Variants in KIF13A observed in about 807,000 individuals in gnomAD.
KIF13A encodes the protein kinesin family member 13A, also known as kinesin-like protein KIF13A.
A neutral mutation model predicts 212.2 loss-of-function variants in KIF13A; 79 were observed. The ratio of observed to expected loss-of-function variants is 0.37; its 90% CI spans 0.31 to 0.45. KIF13A has a LOEUF of 0.45. KIF13A is among the 20% of genes least tolerant of loss of function. KIF13A has a pLI of 1.00. For synonymous variants in KIF13A, 789 were observed against 808.6 expected, an observed-to-expected ratio of 0.98 and a Z score of 0.41; for missense variants, 1,901 against 2,209.0, an observed-to-expected ratio of 0.86 and a Z score of 2.79.
intron 2 of KIF13A, among the ~76,000 whole-genome samples, chr6:17,964,826 G>T (rs1463480171): frequency 7.8e-6 from 1 of 127,690 alleles, no homozygotes; most frequent in African/African-American, 3.2e-5. Flanking sequence ...TGGTTTTCTT[G>T]TTGTTTTGTT....
chr6:17,932,151 TAGACACACACAC>T (rs1306305439), intron 2 of KIF13A, among the ~76,000 whole-genome samples: 1 of 152,128 alleles, frequency 6.6e-6, no homozygotes, highest in African/African-American at 2.4e-5. Context: ...CGACACATGC[TAGACACACACAC>T]AGATACACAC....
chr6:17,866,699 TA>T (rs1581576943), intron 4 of KIF13A, among the ~76,000 whole-genome samples: 1 of 151,600 alleles, frequency 6.6e-6, no homozygotes, highest in East Asian at 1.9e-4. Context: ...AAACACAAGT[TA>T]AATGATGTTT....
At position 17,987,079 on chromosome 6, in the gene KIF13A, G is replaced by A. The variant is rs1488489966; in HGVS notation, c.121C>T (p.Pro41Ser). 4 of 1,612,820 alleles carry A rather than the reference G, an allele frequency of 2.5e-6. No individual in the cohort carries two copies. The highest frequency in any genetic ancestry group is 3.4e-6 in the Non-Finnish European group (4 of 1,179,554). The change falls in exon 2 of 39, where the codon CCT (proline) becomes TCT (serine). Residue 41 changes from proline to serine, a missense_variant. By Grantham distance (74) the Pro-to-Ser change is moderately conservative. Coordinates refer to ENST00000259711, the MANE Select transcript of KIF13A (RefSeq NM_022113.6). This position sits in a 1 kb window ranked among gnomAD's most constrained non-coding sequence, Gnocchi z 7.7. Reference protein sequence around the residue: ...EGNQTVLHPPPSNTKQGERKP... With the variant: ...EGNQTVLHPPSSNTKQGERKP... ...CTTTCTCCCTGTTTGGTGTTAGAAG[G>A]AGGAGGGTGCAGGACCGTTTGATTC...
In KIF13A at chr6:17,825,533, G is replaced by C. The variant is rs1764890974; in HGVS notation, c.1786+235C>G. ...TGGAAATGTCACCACAATTCGCTTG[G>C]GAATAAGAGGTCTCAAAAACGGGAC... is the stretch of plus-strand genomic sequence containing the variant. On this transcript the variant is annotated intron_variant, in intron 16 of 38. Coordinates refer to ENST00000259711, the MANE Select transcript of KIF13A (RefSeq NM_022113.6). This position sits in a 1 kb window ranked among gnomAD's most constrained non-coding sequence, Gnocchi z 4.5. 6.6e-6 allele frequency among the ~76,000 whole-genome samples: 1 copy of C among 152,106 alleles called. No homozygotes were observed. The highest frequency in any genetic ancestry group is 2.4e-5 in the African/African-American group (1 of 41,420).
In KIF13A at chr6:17,787,329, T is replaced by C. The variant is rs1396654824; in HGVS notation, c.3361+447A>G. On this transcript the variant is annotated intron_variant, in intron 27 of 38. Transcript: ENST00000259711. This position sits in a 1 kb window ranked among gnomAD's most constrained non-coding sequence, Gnocchi z 4.6. The stretch of plus-strand genomic sequence containing the variant: ...TTAAACCAACAATGTATAATATGAT[T>C]GACTGATGTCTATAATTGTTACAAG... 6.6e-6 allele frequency among the ~76,000 whole-genome samples: 1 copy of C among 152,214 alleles called. No individual in the cohort carries two copies. The highest frequency in any genetic ancestry group is 1.9e-4 in the East Asian group (1 of 5,192).
chr6:17,865,431 A>G (rs1769265497), intron 4 of KIF13A, among the ~76,000 whole-genome samples: 1 of 152,182 alleles, frequency 6.6e-6, no homozygotes, highest in Non-Finnish European at 1.5e-5. Context: ...TGACAGGCAC[A>G]GCGATTTTGA....
chr6:17,966,477 A>T (rs1201211863), intron 2 of KIF13A, among the ~76,000 whole-genome samples: 7 of 129,772 alleles, frequency 5.4e-5, no homozygotes, highest in African/African-American at 1.5e-4. Context: ...AGTGAGCAGG[A>T]TTCTTTCAAA....
intron 2 of KIF13A, among the ~76,000 whole-genome samples, chr6:17,931,411 C>A (rs1775974804): frequency 6.6e-6 from 1 of 152,096 alleles, no homozygotes; most frequent in African/African-American, 2.4e-5. Context: ...TATTGAGTAC[C>A]TATTGAACAC....
chr6:17,949,685 A>C (rs1293836416), intron 2 of KIF13A, among the ~76,000 whole-genome samples: 1 of 152,130 alleles, frequency 6.6e-6, no homozygotes, highest in Non-Finnish European at 1.5e-5. Context: ...TAGAAATTGT[A>C]TATGCATACA....
chr6:17,939,301 A>G (rs2150551580), intron 2 of KIF13A, among the ~76,000 whole-genome samples: 1 of 152,376 alleles, frequency 6.6e-6, no homozygotes, highest in Non-Finnish European at 1.5e-5. Context: ...GAAATCCAAT[A>G]TTCAGTACAG....
chr6:17,789,966 A>G lies in KIF13A; in HGVS notation c.3223-56T>C, dbSNP rs1761395332. 1 of 1,352,166 alleles carries G rather than the reference A, an allele frequency of 7.4e-7. No individual in the cohort carries two copies. The highest frequency in any genetic ancestry group is 1.2e-5 in the South Asian group (1 of 83,270). The allele number at this position is 1,352,166 out of a possible 1,614,324, so 83.8% of individuals were successfully genotyped here. On this transcript the variant is annotated intron_variant, in intron 25 of 38. Transcript: ENST00000259711. The surrounding 1 kb of genome is among the most constrained non-coding windows in gnomAD (Gnocchi z 4.8). The stretch of plus-strand genomic sequence containing the variant: ...GCATTTTGTTTTTCAAACCACATAC[A>G]GGGAAAATAATTATTTAAGCTTAAC...
chr6:17,911,432 T>C (rs912229233), intron 2 of KIF13A, among the ~76,000 whole-genome samples: 9 of 152,262 alleles, frequency 5.9e-5, no homozygotes, highest in African/African-American at 1.9e-4. Flanking sequence ...CTCTCCACTA[T>C]GACAAGAGTA....
chr6:17,790,516 G>A (rs1452904247), intron 25 of KIF13A, among the ~76,000 whole-genome samples: 1 of 152,214 alleles, frequency 6.6e-6, no homozygotes, highest in Non-Finnish European at 1.5e-5. Context: ...TTTTGGGGTA[G>A]ACTATTTGAC....
downstream of KIF13A, among the ~76,000 whole-genome samples, chr6:17,763,296 C>T (rs950786881): frequency 6.6e-6 from 1 of 151,860 alleles, no homozygotes; most frequent in Non-Finnish European, 1.5e-5. Flanking sequence ...ACCAGCCTGG[C>T]CAACATGGTG....
chr6:17,904,896 A>G (rs1249689648), intron 2 of KIF13A, among the ~76,000 whole-genome samples: 1 of 152,234 alleles, frequency 6.6e-6, no homozygotes, highest in African/African-American at 2.4e-5. Flanking sequence ...TCTGAAAGAT[A>G]TACAGTTAAA....
chr6:17,865,927 G>A lies in KIF13A; in HGVS notation c.220+7450C>T, dbSNP rs943546447. Among the ~76,000 whole-genome samples, 43 of 152,322 alleles carry A rather than the reference G, an allele frequency of 2.8e-4. No homozygotes were observed. In the Middle Eastern group the frequency reaches 0.017, roughly 60 times the overall value. On this transcript the variant is annotated intron_variant, in intron 4 of 38. Coordinates refer to ENST00000259711, the MANE Select transcript of KIF13A (RefSeq NM_022113.6). ...TTTCCACCACAGCAACAGCACTGGGGCTGGCCATGAGCATGGTCTTTTTTT... is the reference window on the plus strand; with the variant it reads ...TTTCCACCACAGCAACAGCACTGGGACTGGCCATGAGCATGGTCTTTTTTT...
chr6:17,950,238 A>T (rs1441910529), intron 2 of KIF13A, among the ~76,000 whole-genome samples: 1 of 152,100 alleles, frequency 6.6e-6, no homozygotes. Context: ...GATCTCCATA[A>T]ATACAAAATT....
At chr6:17,942,530 C>T (rs768754377) in intron 2 of KIF13A, among the ~76,000 whole-genome samples, 1 of 152,100 alleles carries the variant, frequency 6.6e-6, no homozygotes, top group Non-Finnish European at 1.5e-5. Context: ...AAATGAGATA[C>T]ATTTCATAAC....
rs1372613151 is a variant in KIF13A at position 17,883,064 on chromosome 6, T to A, written c.160-9627A>T. ...CCAAAAATACTCGGCGAATTTACAT[T>A]TTAAAGCAACTTTTGCTGGGTATGG... On this transcript the variant is annotated intron_variant, in intron 3 of 38. Coordinates refer to ENST00000259711, the MANE Select transcript of KIF13A (RefSeq NM_022113.6). This position sits in a 1 kb window ranked among gnomAD's most constrained non-coding sequence, Gnocchi z 4.8. 6.6e-6 allele frequency among the ~76,000 whole-genome samples: 1 copy of A among 152,210 alleles called. No homozygotes were observed. Among genetic ancestry groups the A allele is most frequent in the Non-Finnish European group, 1.5e-5 (1 of 68,040 alleles).
Sources: gnomAD v4.1 joint callset for allele counts (sites outside exome capture counted in the v4.1 genomes callset) on GRCh38, gnomAD v4.1.1 for gene constraint, Gnocchi (gnomAD v3.1) non-coding constraint, MANE v1.5 for transcripts, NCBI Gene and HGNC (gene_info 2026-07-23, HGNC 2026-07-21) for gene names.